KIR2DL1: variants seen among roughly 807,000 people sequenced by gnomAD.
The protein encoded by KIR2DL1 is killer cell immunoglobulin-like receptor 2DL1.
In KIR2DL1, 38 loss-of-function variants were observed where a neutral mutation model predicts 33.9. The observed-to-expected ratio is 1.12, with a 90% CI of 0.86 to 1.47. The LOEUF (loss-of-function observed/expected upper bound fraction) is 1.47. Ranked by LOEUF, KIR2DL1 falls within the 40% of genes most tolerant of loss-of-function variation. KIR2DL1 has a pLI of 0.00. For missense variants in KIR2DL1, 531 were observed against 433.9 expected (o/e 1.22, Z -1.99); for synonymous variants, 179 against 165.9 (o/e 1.08, Z -0.61).
intron 5 of KIR2DL1, among the ~76,000 whole-genome samples, chr19:54,781,137 A>C: frequency 1.0e-5 from 1 of 98,630 alleles, no homozygotes; most frequent in East Asian, 2.3e-4. Context: ...AGATTGCATC[A>C]CTGCACTCCA....
rs374601752 is a variant in KIR2DL1, at chr19:54,770,640, G to C, written c.35-209G>C. ...GGAGTGGAGATATGGGCCTGGAGTG[G>C]AGATATGGGCTTGAGGTGGGGATAT... On this transcript the variant is annotated intron_variant, in intron 1 of 7. Coordinates refer to ENST00000336077, the MANE Select transcript of KIR2DL1 (RefSeq NM_014218.3). Among the ~76,000 whole-genome samples the C allele has an allele frequency of 3.4e-5, 5 of 148,298 alleles. No individual in the cohort carries two copies. In the East Asian group the frequency reaches 7.8e-4, roughly 23 times the overall value.
chr19:54,771,180 G>T (rs1385281367), intron 2 of KIR2DL1, among the ~76,000 whole-genome samples: 1 of 148,622 alleles, frequency 6.7e-6, no homozygotes, highest in Non-Finnish European at 1.5e-5. Flanking sequence ...GCGTTTCCAT[G>T]ACGGTAGGGG....
rs764338761 is a variant in KIR2DL1 at position 54,775,362 on chromosome 19, G to A, written c.568G>A (p.Ala190Thr). 2.5e-6 allele frequency: 4 copies of A among 1,582,696 alleles called. No homozygotes were observed. Among genetic ancestry groups the A allele is most frequent in the Non-Finnish European group, 3.5e-6 (4 of 1,154,942 alleles). The change falls in exon 4 of 8, where the codon GCC (alanine) becomes ACC (threonine). Residue 190 changes from alanine (A) to threonine (T), a missense_variant. Transcript: ENST00000336077. ...CCAGGCTGACTTTCCTCTGGGCCCT[G>A]CCACCCACGGAGGGACCTACAGATG... The part of the protein sequence containing the change: ...TFQADFPLGP[A>T]THGGTYRCFG...
In KIR2DL1 at chr19:54,782,585, C is replaced by T. The variant is rs550172781; in HGVS notation, c.716-337C>T. ...TAATAGAGGGGGAACTTGCTAACCC[C>T]GTCTCCTTGGGACAGCATTGATGTG... On this transcript the variant is annotated intron_variant, in intron 5 of 7. Coordinates refer to ENST00000336077, the MANE Select transcript of KIR2DL1 (RefSeq NM_014218.3). 6.0e-4 allele frequency among the ~76,000 whole-genome samples: 92 copies of T among 152,118 alleles called. 1 individual carries two copies. Among genetic ancestry groups the T allele is most frequent in the African/African-American group, 9.9e-4 (41 of 41,516 alleles).
rs563714558 is a variant in KIR2DL1 at position 54,783,523 on chromosome 19, AAC to A, written c.857_858del (p.Thr286SerfsTer3). 6.2e-7 allele frequency: 1 copy of A among 1,613,770 alleles called. No individual in the cohort carries two copies. The highest frequency in any genetic ancestry group is 1.1e-5 in the South Asian group (1 of 91,068). ...VMDQESAGNRTANSEDSDEQD... is the reference protein window; with the variant it reads ...VMDQESAGNRXANSEDSDEQD... ...TGGACCAAGAGTCTGCAGGAAACAGAACAGCGAATAGCGAGGTAGGTACTCCT... is the reference window on the plus strand; with the variant it reads ...TGGACCAAGAGTCTGCAGGAAACAGAAGCGAATAGCGAGGTAGGTACTCCT... On this transcript the variant is annotated frameshift_variant, in exon 7 of 8. Coordinates refer to ENST00000336077, the MANE Select transcript of KIR2DL1 (RefSeq NM_014218.3). LOFTEE classifies it low-confidence loss of function (END_TRUNC).
chr19:54,780,532 A>G (rs2076820452), intron 5 of KIR2DL1, among the ~76,000 whole-genome samples: 1 of 144,034 alleles, frequency 6.9e-6, no homozygotes. Flanking sequence ...CATTGGATTC[A>G]CCTCGGGGTA....
chr19:54,777,845 G>C (rs1231290587), intron 4 of KIR2DL1, among the ~76,000 whole-genome samples: 1 of 148,142 alleles, frequency 6.8e-6, no homozygotes, highest in Admixed American at 6.9e-5. Flanking sequence ...TTTGATTTTT[G>C]TGTATGGTGA....
chr19:54,776,919 G>A (rs2076415796), intron 4 of KIR2DL1, among the ~76,000 whole-genome samples: 4 of 148,226 alleles, frequency 2.7e-5, no homozygotes, highest in African/African-American at 7.4e-5. Context: ...CGGGATTACA[G>A]GCATGATCCA....
chr19:54,774,506 T>C (rs1176603492), intron 3 of KIR2DL1, among the ~76,000 whole-genome samples: 4 of 148,010 alleles, frequency 2.7e-5, no homozygotes, highest in African/African-American at 4.9e-5. Context: ...AGACAGATGA[T>C]AGATGGATAG....
rs1600884721 is a variant in KIR2DL1 at position 54,782,836 on chromosome 19, G to C, written c.716-86G>C. 1.4e-5 allele frequency: 21 copies of C among 1,461,724 alleles called. No individual in the cohort carries two copies. The South Asian group carries it at 2.4e-4, about 17-fold the overall frequency. 90.5% of individuals were successfully genotyped at this position (1,461,724 alleles called of 1,614,324 possible). On this transcript the variant is annotated intron_variant, in intron 5 of 7. Transcript: ENST00000336077. Reference sequence around the variant, plus strand: ...TTGTCCTAAAGAGGTGTTTTATGTGGTTACCTGTCAATCAAGAAATGCGAG... The same window carrying C: ...TTGTCCTAAAGAGGTGTTTTATGTGCTTACCTGTCAATCAAGAAATGCGAG...
Position 54,783,988 on chromosome 19 carries a change from G to A in KIR2DL1, c.*175G>A, listed in dbSNP as rs1356436987. On this transcript the variant is annotated 3_prime_UTR_variant, in exon 8 of 8. Coordinates refer to ENST00000336077, the MANE Select transcript of KIR2DL1 (RefSeq NM_014218.3). The stretch of plus-strand genomic sequence containing the variant: ...ATGTGCCTCTCTCTTGCTTACAAAT[G>A]TCTAAGGTCCCCACTGCCTGCTGGA... The A allele has an allele frequency of 5.8e-6, 6 of 1,032,668 alleles. No homozygotes were observed. Among genetic ancestry groups the A allele is most frequent in the Non-Finnish European group, 7.4e-6 (5 of 679,670 alleles). 64.0% of individuals were successfully genotyped at this position (1,032,668 alleles called of 1,614,324 possible). A position where few individuals can be genotyped will look rare whatever the true frequency, so the allele number is the denominator to read the frequency against.
chr19:54,772,347 G>A (rs540970703), intron 2 of KIR2DL1, among the ~76,000 whole-genome samples: 1 of 147,532 alleles, frequency 6.8e-6, no homozygotes, highest in East Asian at 2.0e-4. Flanking sequence ...AAAAGTCAAG[G>A]AACTGATTCT....
At chr19:54,771,592 G>A (rs368646935) in intron 2 of KIR2DL1, among the ~76,000 whole-genome samples, 1 of 147,406 alleles carries the variant, frequency 6.8e-6, no homozygotes, top group African/African-American at 2.5e-5. Context: ...TCTCTAAGGC[G>A]GTGCCTCCTT....
rs1346625487 is a variant in KIR2DL1, at chr19:54,773,357, T to G, written c.95T>G (p.Leu32Arg). 3.2e-5 allele frequency: 51 copies of G among 1,599,250 alleles called. 3 individuals are homozygous for G. Among genetic ancestry groups the G allele is most frequent in the Non-Finnish European group, 4.2e-5 (49 of 1,170,682 alleles). ...HEGVHRKPSL[L>R]AHPGRLVKSE... ...GGAGTCCACAGAAAACCTTCCCTCC[T>G]GGCCCACCCAGGTCGCCTGGTGAAA... is the stretch of plus-strand genomic sequence containing the variant. The change falls in exon 3 of 8, where the codon CTG becomes CGG. Residue 32 changes from leucine (L) to arginine (R), a missense_variant. Transcript: ENST00000336077.
In KIR2DL1 at chr19:54,773,396, T is replaced by C. The variant is rs1487846904; in HGVS notation, c.134T>C (p.Val45Ala). Residue 45 changes from valine to alanine, a missense_variant, in exon 3 of 8, where the codon GTC becomes GCC. Coordinates refer to ENST00000336077, the MANE Select transcript of KIR2DL1 (RefSeq NM_014218.3). Reference sequence around the variant, plus strand: ...CGCCTGGTGAAATCAGAAGAGACAGTCATCCTGCAGTGTTGGTCAGATGTC... The same window carrying C: ...CGCCTGGTGAAATCAGAAGAGACAGCCATCCTGCAGTGTTGGTCAGATGTC... ...PGRLVKSEETVILQCWSDVMF... is the reference protein window; with the variant it reads ...PGRLVKSEETAILQCWSDVMF... 1.3e-6 allele frequency: 2 copies of C among 1,595,646 alleles called. No individual in the cohort carries two copies. The highest frequency in any genetic ancestry group is 2.2e-5 in the East Asian group (1 of 44,652).
intron 5 of KIR2DL1, among the ~76,000 whole-genome samples, chr19:54,781,192 G>A: frequency 1.2e-5 from 1 of 85,376 alleles, no homozygotes; most frequent in African/African-American, 5.1e-5. Flanking sequence ...ATAAAAATAA[G>A]AAATACATAA....
At chr19:54,778,236 G>GTGACAGAGCAAGAC (rs1569209689) in intron 4 of KIR2DL1, among the ~76,000 whole-genome samples, 1 of 149,390 alleles carries the variant, frequency 6.7e-6, no homozygotes, top group African/African-American at 2.4e-5. Flanking sequence ...TCCAGCCTGA[G>GTGACAGAGCAAGAC]TGACAGAGCA....
chr19:54,774,956 A>G (rs1293316422), intron 3 of KIR2DL1, among the ~76,000 whole-genome samples: 3 of 148,388 alleles, frequency 2.0e-5, no homozygotes, highest in African/African-American at 4.9e-5. Flanking sequence ...AAGAGAAAAC[A>G]TATCTAGAGG....
chr19:54,773,416 G>T lies in KIR2DL1; in HGVS notation c.154G>T (p.Asp52Tyr), dbSNP rs764007263. Residue 52 changes from aspartate (D) to tyrosine (Y), a missense_variant, in exon 3 of 8, where the codon GAT becomes TAT. Transcript: ENST00000336077. ...GACAGTCATCCTGCAGTGTTGGTCA[G>T]ATGTCATGTTTGAACACTTCCTTCT... Reference protein sequence around the residue: ...EETVILQCWSDVMFEHFLLHR... With the variant: ...EETVILQCWSYVMFEHFLLHR... 1.4e-5 allele frequency: 23 copies of T among 1,593,346 alleles called. No individual in the cohort carries two copies. The highest frequency in any genetic ancestry group is 8.9e-5 in the South Asian group (8 of 90,378).
Sources: allele counts gnomAD v4.1 joint callset (sites outside exome capture counted in the v4.1 genomes callset), GRCh38; gene constraint gnomAD v4.1.1; transcripts MANE v1.5; gene names NCBI Gene and HGNC (gene_info 2026-07-23, HGNC 2026-07-21).